Variants in SCGB2B2 observed in about 807,000 individuals in gnomAD.
The protein encoded by SCGB2B2 is secretoglobin family 2B member 2, also known as secretoglobin-like protein.
In SCGB2B2, 11 loss-of-function variants were observed where a neutral mutation model predicts 7.6. The ratio of observed to expected loss-of-function variants is 1.45; its 90% CI spans 0.91 to 2.40. SCGB2B2 has a LOEUF of 2.40. Among genes scored for constraint, SCGB2B2 ranks in the 30% most tolerant of loss-of-function variants. The pLI is 0.00. For missense variants in SCGB2B2, 104 were observed against 115.4 expected (o/e 0.90, Z 0.45); for synonymous variants, 50 against 48.6 (o/e 1.03, Z -0.12).
At chr19:34,623,673 G>A (rs1117941) in intron 1 of SCGB2B2, among the ~76,000 whole-genome samples, 128,139 of 152,178 alleles carry the variant, frequency 0.84, 54,726 homozygotes, top group African/African-American at 0.91. Context: ...TTGTGCAGTA[G>A]TTGGATTTGA....
intron 1 of SCGB2B2, among the ~76,000 whole-genome samples, chr19:34,662,403 T>C (rs927990838): frequency 1.3e-5 from 2 of 152,116 alleles, no homozygotes; most frequent in African/African-American, 4.8e-5. Context: ...CAAATCTTTA[T>C]GTAGAAGAAT....
chr19:34,611,353 C>CTAAT (rs1428800489), intron 1 of SCGB2B2, among the ~76,000 whole-genome samples: 1 of 152,028 alleles, frequency 6.6e-6, no homozygotes, highest in Non-Finnish European at 1.5e-5. Flanking sequence ...TTTCCTCCTA[C>CTAAT]TAATTTTGGG....
Position 34,676,746 on chromosome 19 carries a change from G to A in SCGB2B2, c.-3148C>T, listed in dbSNP as rs1318900244. On this transcript the variant is annotated 5_prime_UTR_variant, in exon 1 of 4. Transcript: ENST00000601241. ...CTTAATAAGTACAAAAAAGTCTATA[G>A]CGACACTATTTATAATTTTAAAAAT... The A allele has an allele frequency of 6.6e-6, 1 of 152,188 alleles. No homozygotes were observed. Among genetic ancestry groups the A allele is most frequent in the East Asian group, 1.9e-4 (1 of 5,206 alleles). 9.4% of individuals were successfully genotyped at this position (152,188 alleles called of 1,614,324 possible).
intron 1 of SCGB2B2, among the ~76,000 whole-genome samples, chr19:34,612,555 C>T (rs2065961799): frequency 6.6e-6 from 1 of 152,168 alleles, no homozygotes; most frequent in Admixed American, 6.5e-5. Context: ...ACTACTGTCA[C>T]TCTGTTGTGC....
rs540202721 is a variant in SCGB2B2 at position 34,593,480 on chromosome 19, C to T, written c.*75G>A. On this transcript the variant is annotated 3_prime_UTR_variant, in exon 4 of 4. Coordinates refer to ENST00000601241, the MANE Select transcript of SCGB2B2 (RefSeq NM_001025591.4). Reference sequence around the variant, plus strand: ...TCATTGGGGTCTCTGTAGTGATGAACAGAGCCAGGCCAGGAACGCGGGGAG... The same window carrying T: ...TCATTGGGGTCTCTGTAGTGATGAATAGAGCCAGGCCAGGAACGCGGGGAG... 1.5e-5 allele frequency: 18 copies of T among 1,165,074 alleles called. No individual in the cohort carries two copies. The African/African-American group carries it at 2.0e-4, about 13-fold the overall frequency. 72.2% of individuals were successfully genotyped at this position (1,165,074 alleles called of 1,614,324 possible). A position where few individuals can be genotyped will look rare whatever the true frequency, so the allele number is the denominator to read the frequency against.
chr19:34,653,925 C>T (rs1192215083), intron 1 of SCGB2B2, among the ~76,000 whole-genome samples: 1 of 150,418 alleles, frequency 6.6e-6, no homozygotes, highest in Non-Finnish European at 1.5e-5. Context: ...GATGCCTACT[C>T]GTACCACTCG....
rs869072023 is a variant in SCGB2B2 at position 34,645,525 on chromosome 19, GAC to G, written c.-2032+30103_-2032+30104del. ...ATACACAGACACACAGACACACACA[GAC>G]ACACACAGACACAGACACACACACA... On this transcript the variant is annotated intron_variant, in intron 1 of 3. Transcript: ENST00000601241. 6.9e-3 allele frequency: 968 copies of G among 140,070 alleles called. 15 individuals are homozygous for G. Among genetic ancestry groups the G allele is most frequent in the African/African-American group, 0.028 (938 of 33,326 alleles). The allele number at this position is 140,070 out of a possible 1,614,324, so 8.7% of individuals were successfully genotyped here. A position where few individuals can be genotyped will look rare whatever the true frequency, so the allele number is the denominator to read the frequency against.
intron 1 of SCGB2B2, among the ~76,000 whole-genome samples, chr19:34,616,905 G>T (rs1393044051): frequency 6.6e-6 from 1 of 152,098 alleles, no homozygotes; most frequent in Non-Finnish European, 1.5e-5. Context: ...TCTACATATG[G>T]CTAGCCAGTT....
Position 34,593,371 on chromosome 19 carries a change from C to T in SCGB2B2, c.*184G>A. 1 of 549,250 alleles carries T rather than the reference C, an allele frequency of 1.8e-6. No homozygotes were observed. Among genetic ancestry groups the T allele is most frequent in the East Asian group, 2.9e-5 (1 of 34,800 alleles). The allele number at this position is 549,250 out of a possible 1,614,324, so 34.0% of individuals were successfully genotyped here. A position where few individuals can be genotyped will look rare whatever the true frequency, so the allele number is the denominator to read the frequency against. The stretch of plus-strand genomic sequence containing the variant: ...GTTTTTCCTCAGTCGCATATTTTCA[C>T]ACTGGGACCCTGGTCACACTCTGCA... On this transcript the variant is annotated 3_prime_UTR_variant, in exon 4 of 4. Transcript: ENST00000601241.
intron 1 of SCGB2B2, among the ~76,000 whole-genome samples, chr19:34,661,110 G>A (rs12982639): frequency 0.095 from 13,955 of 146,810 alleles, 820 homozygotes; most frequent in Middle Eastern, 0.23. Flanking sequence ...AATATCACAT[G>A]TCGGGGCCTG....
At chr19:34,668,957 T>TG (rs1209973528) in intron 1 of SCGB2B2, among the ~76,000 whole-genome samples, 3 of 152,116 alleles carry the variant, frequency 2.0e-5, no homozygotes, top group Admixed American at 6.5e-5. Context: ...GGCAACCAGC[T>TG]GGGGTCCCCT....
chr19:34,672,227 C>CT (rs769735652), intron 1 of SCGB2B2, among the ~76,000 whole-genome samples: 119 of 130,092 alleles, frequency 9.1e-4, no homozygotes, highest in Non-Finnish European at 1.6e-3. Flanking sequence ...TTTTTTCTCA[C>CT]ATTTTTTTTT....
intron 1 of SCGB2B2, among the ~76,000 whole-genome samples, chr19:34,649,254 A>G (rs1041746674): frequency 6.6e-6 from 1 of 152,196 alleles, no homozygotes; most frequent in Non-Finnish European, 1.5e-5. Flanking sequence ...GTTCCGGAAC[A>G]GTACAGAAGG....
At chr19:34,620,679 G>A (rs1037304737) in intron 1 of SCGB2B2, among the ~76,000 whole-genome samples, 24 of 152,174 alleles carry the variant, frequency 1.6e-4, no homozygotes, top group African/African-American at 4.8e-4. Context: ...TAAAAAGTCA[G>A]ATGAATTTTC....
chr19:34,635,645 A>T, intron 1 of SCGB2B2: 1 of 202,562 alleles, frequency 4.9e-6, no homozygotes, highest in South Asian at 9.6e-5. Flanking sequence ...CACAAAGCCT[A>T]TTTCTGTGGC....
rs576932013 is a variant in SCGB2B2 at position 34,626,240 on chromosome 19, G to A, written c.-2031-29646C>T. 1.7e-3 allele frequency among the ~76,000 whole-genome samples: 253 copies of A among 152,272 alleles called. 1 individual carries two copies. The highest frequency in any genetic ancestry group is 5.6e-3 in the African/African-American group (233 of 41,552). On this transcript the variant is annotated intron_variant, in intron 1 of 3. Transcript: ENST00000601241. ...AGGAATGAAGCTCCTCTCCAGCAAC[G>A]GAACAAAGATGGACGGAGAGTGACT...
At chr19:34,643,751 C>T (rs1051187745) in intron 1 of SCGB2B2, among the ~76,000 whole-genome samples, 11 of 151,724 alleles carry the variant, frequency 7.3e-5, no homozygotes, top group Non-Finnish European at 1.6e-4. Flanking sequence ...AAAAGGAGAA[C>T]ATTAGACAAT....
chr19:34,618,697 A>G (rs2066158424), intron 1 of SCGB2B2, among the ~76,000 whole-genome samples: 1 of 152,162 alleles, frequency 6.6e-6, no homozygotes, highest in Non-Finnish European at 1.5e-5. Flanking sequence ...CCTTCCTTAC[A>G]CACCCTGCAT....
intron 1 of SCGB2B2, among the ~76,000 whole-genome samples, chr19:34,654,443 G>T (rs1031502473): frequency 4.6e-5 from 7 of 150,934 alleles, no homozygotes; most frequent in Non-Finnish European, 7.4e-5. Context: ...AAACATACTT[G>T]TTACAGGTCA....
Sources: allele counts gnomAD v4.1 joint callset (sites outside exome capture counted in the v4.1 genomes callset), GRCh38; gene constraint gnomAD v4.1.1; transcripts MANE v1.5; gene names NCBI Gene and HGNC (gene_info 2026-07-23, HGNC 2026-07-21).